ITSN1: variants seen among roughly 807,000 people sequenced by gnomAD.
ITSN1 encodes the protein intersectin-1.
A neutral mutation model predicts 239.8 loss-of-function variants in ITSN1; 58 were observed. The ratio of observed to expected loss-of-function variants is 0.24; its 90% CI spans 0.20 to 0.30. ITSN1 has a LOEUF of 0.30. ITSN1 is among the 10% of genes least tolerant of loss of function. ITSN1 has a pLI of 1.00. For missense variants in ITSN1, 1,558 were observed against 2,103.3 expected, an observed-to-expected ratio of 0.74 and a Z score of 5.07; for synonymous variants, 780 against 770.8, an observed-to-expected ratio of 1.01 and a Z score of -0.20.
At chr21:33,669,463 G>A (rs538385255) in intron 1 of ITSN1, among the ~76,000 whole-genome samples, 52 of 132,554 alleles carry the variant, frequency 3.9e-4, no homozygotes, top group Non-Finnish European at 4.2e-4. Context: ...TTTTTGAGAC[G>A]GAGTCTCGCT....
At chr21:33,728,503 C>T (rs529003107) in intron 4 of ITSN1, among the ~76,000 whole-genome samples, 1 of 152,328 alleles carries the variant, frequency 6.6e-6, no homozygotes, top group South Asian at 2.1e-4. Context: ...GCTGGGATTA[C>T]AGGCTTGAGC....
intron 33 of ITSN1, among the ~76,000 whole-genome samples, chr21:33,868,894 C>T (rs1050277066): frequency 3.3e-5 from 5 of 152,014 alleles, no homozygotes; most frequent in Non-Finnish European, 7.3e-5. Flanking sequence ...ACTGCACAGC[C>T]TTCAGATGTG....
intron 1 of ITSN1, among the ~76,000 whole-genome samples, chr21:33,697,127 A>G (rs1601695434): frequency 6.6e-6 from 1 of 150,846 alleles, no homozygotes; most frequent in African/African-American, 2.4e-5. Flanking sequence ...CTGTCGCCCA[A>G]GTTGGAGTGC....
At chr21:33,760,219 G>A (rs969303864) in intron 8 of ITSN1, among the ~76,000 whole-genome samples, 2 of 152,070 alleles carry the variant, frequency 1.3e-5, no homozygotes, top group Non-Finnish European at 2.9e-5. Flanking sequence ...AACTCTACAC[G>A]ACAATATATT....
chr21:33,753,061 G>C (rs928649205), intron 7 of ITSN1, among the ~76,000 whole-genome samples: 2 of 152,144 alleles, frequency 1.3e-5, no homozygotes, highest in African/African-American at 4.8e-5. Context: ...GTTACTCTCT[G>C]TTATAGATGA....
At chr21:33,677,409 G>A (rs1043283886) in intron 1 of ITSN1, among the ~76,000 whole-genome samples, 7 of 151,168 alleles carry the variant, frequency 4.6e-5, no homozygotes, top group Non-Finnish European at 7.4e-5. Flanking sequence ...GCATGATCTC[G>A]GCTCACTGCA....
At chr21:33,881,299 C>T (rs935803111) in intron 34 of ITSN1, among the ~76,000 whole-genome samples, 3 of 151,374 alleles carry the variant, frequency 2.0e-5, no homozygotes, top group Middle Eastern at 3.4e-3. Context: ...CCCAGCTACC[C>T]GGGAGGCTGA....
chr21:33,713,997 G>A (rs2092495548), intron 1 of ITSN1, among the ~76,000 whole-genome samples: 1 of 151,896 alleles, frequency 6.6e-6, no homozygotes. Flanking sequence ...ACCACACCGG[G>A]CTAATTTTTT....
chr21:33,700,089 G>GT (rs1193557243), intron 1 of ITSN1, among the ~76,000 whole-genome samples: 31 of 146,972 alleles, frequency 2.1e-4, no homozygotes, highest in African/African-American at 4.3e-4. Flanking sequence ...TTGTTGTTTT[G>GT]TTTTTTTTTG....
At chr21:33,745,779 G>A (rs761089221) in intron 5 of ITSN1, among the ~76,000 whole-genome samples, 1 of 152,182 alleles carries the variant, frequency 6.6e-6, no homozygotes, top group Non-Finnish European at 1.5e-5. Context: ...TGAACTCGTG[G>A]TCATGGCCAG....
chr21:33,824,852 A>G (rs2073892454), intron 25 of ITSN1, among the ~76,000 whole-genome samples: 2 of 152,208 alleles, frequency 1.3e-5, no homozygotes, highest in Non-Finnish European at 2.9e-5. Context: ...GATTTACATA[A>G]GTCTGCCCAC....
At chr21:33,789,692 A>G (rs1310822072) in intron 16 of ITSN1, among the ~76,000 whole-genome samples, 2 of 152,212 alleles carry the variant, frequency 1.3e-5, no homozygotes, top group East Asian at 3.8e-4. Context: ...ATTGTTTCAC[A>G]TAATACATGT....
chr21:33,732,381 AT>A (rs1295064229), intron 4 of ITSN1, among the ~76,000 whole-genome samples: 3 of 152,070 alleles, frequency 2.0e-5, no homozygotes, highest in Non-Finnish European at 2.9e-5. Flanking sequence ...TTTCAGGTTA[AT>A]TTTGAAATGC....
intron 4 of ITSN1, among the ~76,000 whole-genome samples, chr21:33,730,131 A>C (rs1270774244): frequency 6.6e-6 from 1 of 151,714 alleles, no homozygotes; most frequent in Non-Finnish European, 1.5e-5. Flanking sequence ...TTGTGGACTT[A>C]ATTTTATTAT....
intron 39 of ITSN1, 23 bp from the exon 40 acceptor site, chr21:33,888,129 G>A (rs768498881): frequency 6.2e-7 from 1 of 1,613,314 alleles, no homozygotes; most frequent in Non-Finnish European, 8.5e-7. Context: ...CCTCTTAGGA[G>A]GGTCTGTTTG....
intron 20 of ITSN1, among the ~76,000 whole-genome samples, chr21:33,804,929 T>C (rs975712139): frequency 6.6e-6 from 1 of 152,258 alleles, no homozygotes; most frequent in Non-Finnish European, 1.5e-5. Context: ...CATTAAAAGC[T>C]GTCCTGGGCC....
intron 16 of ITSN1, among the ~76,000 whole-genome samples, chr21:33,793,411 A>AC (rs1477397739): frequency 6.6e-6 from 1 of 152,202 alleles, no homozygotes; most frequent in East Asian, 1.9e-4. Context: ...CCTTGGCTCT[A>AC]CTGGGCACTT....
chr21:33,647,625 A>T (rs2088094844), intron 1 of ITSN1, among the ~76,000 whole-genome samples: 1 of 152,074 alleles, frequency 6.6e-6, no homozygotes, highest in Non-Finnish European at 1.5e-5. Flanking sequence ...CCTCCTGATT[A>T]ACTGGGATTA....
At chr21:33,836,661 G>T (rs200800585) in intron 29 of ITSN1, 29 bp downstream of exon 29, 10 of 1,563,534 alleles carry the variant, frequency 6.4e-6, no homozygotes, top group Non-Finnish European at 7.9e-6. Context: ...CTGTCGCCTC[G>T]CCTCTCTGGT....
Sources: allele counts gnomAD v4.1 joint callset (sites outside exome capture counted in the v4.1 genomes callset), GRCh38; gene constraint gnomAD v4.1.1; transcripts MANE v1.5; gene names NCBI Gene and HGNC (gene_info 2026-07-23, HGNC 2026-07-21).